The following WDR25 variants were observed in gnomAD, a reference collection of about 807,000 sequenced individuals.
The protein encoded by WDR25 is WD repeat-containing protein 25.
A neutral mutation model predicts 47.7 loss-of-function variants in WDR25; 35 were observed. That is an observed-to-expected ratio of 0.73 (90% CI 0.56 to 0.97). WDR25 has a LOEUF of 0.97. WDR25 is among the 50% of genes least tolerant of loss of function. The pLI is 0.00. For synonymous variants in WDR25, 248 were observed against 278.9 expected, an observed-to-expected ratio of 0.89 and a Z score of 1.10; for missense variants, 634 against 704.7, an observed-to-expected ratio of 0.90 and a Z score of 1.14.
chr14:100,478,684 A>G (rs61235940), intron 3 of WDR25, among the ~76,000 whole-genome samples: 14,113 of 152,254 alleles, frequency 0.093, 1,513 homozygotes, highest in African/African-American at 0.26. Context: ...ACAGATTTTC[A>G]ATCTCTTTAG....
rs1206361741 is a variant in WDR25 at position 100,404,609 on chromosome 14, T to C, written c.822+22863T>C. On this transcript the variant is annotated intron_variant, in intron 2 of 6. Coordinates refer to ENST00000402312, the MANE Select transcript of WDR25 (RefSeq NM_001161476.3). The surrounding 1 kb of genome is among the most constrained non-coding windows in gnomAD (Gnocchi z 4.6). ...AATGCATCCTTATCTCTGTAGTGCT[T>C]CCTCCCAGGCATAGGGTCCGCTGGA... is the stretch of plus-strand genomic sequence containing the variant. Among the ~76,000 whole-genome samples the C allele has an allele frequency of 6.6e-6, 1 of 152,122 alleles. No homozygotes were observed. Among genetic ancestry groups the C allele is most frequent in the Non-Finnish European group, 1.5e-5 (1 of 68,012 alleles).
chr14:100,390,838 G>T (rs1317768972), intron 2 of WDR25, among the ~76,000 whole-genome samples: 1 of 152,122 alleles, frequency 6.6e-6, no homozygotes, highest in African/African-American at 2.4e-5. Context: ...CCTCCACAGC[G>T]GCAGAATTAT....
intron 2 of WDR25, among the ~76,000 whole-genome samples, chr14:100,455,766 T>C (rs896790964): frequency 6.6e-6 from 1 of 152,150 alleles, no homozygotes; most frequent in African/African-American, 2.4e-5. Context: ...GATAGAAAAC[T>C]AAAAATGGTA....
chr14:100,461,562 A>G (rs972477967), intron 2 of WDR25, among the ~76,000 whole-genome samples: 1 of 152,226 alleles, frequency 6.6e-6, no homozygotes, highest in African/African-American at 2.4e-5. Flanking sequence ...TTCCCCAGAT[A>G]TTTTAGAATC....
chr14:100,468,068 G>C lies in WDR25; in HGVS notation c.870G>C (p.Leu290=), dbSNP rs768422606. ...GGCACTGCCTGCAGACCTACTCCCT[G>C]CACACAGAGGCAGTGCGGGCCGCCC... is the stretch of plus-strand genomic sequence containing the variant. ...DSGHCLQTYS[L]HTEAVRAARW... is the part of the protein sequence containing the mutation. The change falls in exon 3 of 7, where the codon CTG becomes CTC. Residue 290 remains leucine (L), a synonymous_variant. Transcript: ENST00000402312. This position sits in a 1 kb window ranked among gnomAD's most constrained non-coding sequence, Gnocchi z 4.5. 6.2e-7 allele frequency: 1 copy of C among 1,613,496 alleles called. No individual in the cohort carries two copies. Among genetic ancestry groups the C allele is most frequent in the South Asian group, 1.1e-5 (1 of 91,070 alleles).
intron 2 of WDR25, among the ~76,000 whole-genome samples, chr14:100,450,353 A>G (rs1035930245): frequency 1.2e-4 from 18 of 152,114 alleles, no homozygotes; most frequent in African/African-American, 4.3e-4. Flanking sequence ...GTGGAAATCA[A>G]GGTGAATCTG....
chr14:100,521,354 AATC>A, intron 4 of WDR25, among the ~76,000 whole-genome samples: 1 of 152,296 alleles, frequency 6.6e-6, no homozygotes, highest in East Asian at 1.9e-4. Flanking sequence ...CATTTCGAGA[AATC>A]ATCCATGTTC....
Position 100,468,761 on chromosome 14 carries a change from C to T in WDR25, c.970+593C>T, listed in dbSNP as rs907887655. ...TGCAACAGGCACTGTCAATACCCAC[C>T]GCAGCCACAGCCCCCAGGTGGGCTC... On this transcript the variant is annotated intron_variant, in intron 3 of 6. Transcript: ENST00000402312. This position sits in a 1 kb window ranked among gnomAD's most constrained non-coding sequence, Gnocchi z 4.5. Among the ~76,000 whole-genome samples, 45 of 152,126 alleles carry T rather than the reference C, an allele frequency of 3.0e-4. No homozygotes were observed. The highest frequency in any genetic ancestry group is 7.2e-4 in the African/African-American group (30 of 41,482).
rs1901460390 is a variant in WDR25, at chr14:100,515,507, GTTTGA to G, written c.1102-10358_1102-10354del. Reference sequence around the variant, plus strand: ...GCATTGTTTTATATCACTTCTACATGTTTGATTTGGGTCTTTAAAAGATATCTTTC... The same window carrying G: ...GCATTGTTTTATATCACTTCTACATGTTTGGGTCTTTAAAAGATATCTTTC... On this transcript the variant is annotated intron_variant, in intron 4 of 6. Coordinates refer to ENST00000402312, the MANE Select transcript of WDR25 (RefSeq NM_001161476.3). Among the ~76,000 whole-genome samples, 4 of 152,144 alleles carry G rather than the reference GTTTGA, an allele frequency of 2.6e-5. No homozygotes were observed. In the South Asian group the frequency reaches 8.3e-4, roughly 32 times the overall value.
intron 2 of WDR25, among the ~76,000 whole-genome samples, chr14:100,402,149 C>A (rs1177174131): frequency 6.6e-6 from 1 of 152,156 alleles, no homozygotes; most frequent in Admixed American, 6.5e-5. Flanking sequence ...TTATTCTACC[C>A]CTCAGAAGGT....
chr14:100,468,076 AGGCAGTGCGGGCC>A lies in WDR25; in HGVS notation c.880_892del (p.Ala294ProfsTer21). 6.2e-7 allele frequency: 1 copy of A among 1,613,584 alleles called. No homozygotes were observed. Among genetic ancestry groups the A allele is most frequent in the Non-Finnish European group, 8.5e-7 (1 of 1,180,018 alleles). Reference sequence around the variant, plus strand: ...CTGCAGACCTACTCCCTGCACACAGAGGCAGTGCGGGCCGCCCGGTGGGCTCCCTGTGGCCGGC... The same window carrying A: ...CTGCAGACCTACTCCCTGCACACAGAGCCCGGTGGGCTCCCTGTGGCCGGC... On this transcript the variant is annotated frameshift_variant, in exon 3 of 7. Coordinates refer to ENST00000402312, the MANE Select transcript of WDR25 (RefSeq NM_001161476.3). LOFTEE classifies it high-confidence loss of function. The surrounding 1 kb of genome is among the most constrained non-coding windows in gnomAD (Gnocchi z 4.5).
chr14:100,448,492 G>A (rs770638499), intron 2 of WDR25, among the ~76,000 whole-genome samples: 2 of 152,136 alleles, frequency 1.3e-5, no homozygotes, highest in Non-Finnish European at 2.9e-5. Context: ...TGAGTCATGG[G>A]CCTGCTAACT....
chr14:100,400,529 A>G (rs1280262204), intron 2 of WDR25, among the ~76,000 whole-genome samples: 1 of 152,216 alleles, frequency 6.6e-6, no homozygotes. Context: ...CCCAAAGGTA[A>G]CTTTGTTTAA....
intron 4 of WDR25, among the ~76,000 whole-genome samples, chr14:100,491,935 G>A (rs1276063931): frequency 6.6e-6 from 1 of 152,226 alleles, no homozygotes; most frequent in African/African-American, 2.4e-5. Context: ...GTTCTGAAAG[G>A]TTCAGCTGTC....
Position 100,386,517 on chromosome 14 carries a change from C to A in WDR25, c.822+4771C>A, listed in dbSNP as rs528974446. Among the ~76,000 whole-genome samples, 4 of 152,304 alleles carry A rather than the reference C, an allele frequency of 2.6e-5. No homozygotes were observed. In the South Asian group the frequency reaches 8.3e-4, roughly 32 times the overall value. The stretch of plus-strand genomic sequence containing the variant: ...CCATGTTGTTTCCTATAATTTCCTG[C>A]TTTTGTTTAAAAAATAATCAGTATT... On this transcript the variant is annotated intron_variant, in intron 2 of 6. Coordinates refer to ENST00000402312, the MANE Select transcript of WDR25 (RefSeq NM_001161476.3).
intron 4 of WDR25, chr14:100,487,455 C>T (rs1900421865): frequency 6.6e-6 from 1 of 152,194 alleles, no homozygotes; most frequent in South Asian, 2.1e-4. Flanking sequence ...TGCTTTTATA[C>T]TACAGTAGCA....
In WDR25 at chr14:100,530,113, A is replaced by T; in HGVS notation, c.*72A>T. 6.7e-7 allele frequency: 1 copy of T among 1,492,352 alleles called. No homozygotes were observed. 92.4% of individuals were successfully genotyped at this position (1,492,352 alleles called of 1,614,324 possible). On this transcript the variant is annotated 3_prime_UTR_variant, in exon 7 of 7. Coordinates refer to ENST00000402312, the MANE Select transcript of WDR25 (RefSeq NM_001161476.3). The stretch of plus-strand genomic sequence containing the variant: ...CCCCTCTTCCTCAAGGGTAGATGAG[A>T]GGAACGAGCACAGAGGTTGGCTGTG...
At position 100,462,966 on chromosome 14, in the gene WDR25, CT is replaced by C. The variant is rs147526070; in HGVS notation, c.823-5053del. 5.8e-4 allele frequency among the ~76,000 whole-genome samples: 10 copies of C among 17,376 alleles called. No individual in the cohort carries two copies. In the East Asian group the frequency reaches 6.8e-3, roughly 12 times the overall value. 11.4% of individuals were successfully genotyped at this position (17,376 alleles called of 152,430 possible). A position where few individuals can be genotyped will look rare whatever the true frequency, so the allele number is the denominator to read the frequency against. ...CTCTTCTCTCCCCCTTCCTCTCCCCCTTGCTCCTTCCTTTTTCCCTTCTCCC... is the reference window on the plus strand; with the variant it reads ...CTCTTCTCTCCCCCTTCCTCTCCCCCTGCTCCTTCCTTTTTCCCTTCTCCC... On this transcript the variant is annotated intron_variant, in intron 2 of 6. Coordinates refer to ENST00000402312, the MANE Select transcript of WDR25 (RefSeq NM_001161476.3).
chr14:100,499,021 C>T lies in WDR25; in HGVS notation c.1101+14897C>T, dbSNP rs1900828363. Among the ~76,000 whole-genome samples the T allele has an allele frequency of 6.6e-6, 1 of 152,304 alleles. No homozygotes were observed. Among genetic ancestry groups the T allele is most frequent in the African/African-American group, 2.4e-5 (1 of 41,548 alleles). On this transcript the variant is annotated intron_variant, in intron 4 of 6. Transcript: ENST00000402312. The surrounding 1 kb of genome is among the most constrained non-coding windows in gnomAD (Gnocchi z 4.4). ...CCTTGGAGACCTGGAGACCCAAGTG[C>T]TGCCCATGACTTCAGAATGGAGGGT...
Sources: allele counts gnomAD v4.1 joint callset (sites outside exome capture counted in the v4.1 genomes callset), GRCh38; gene constraint gnomAD v4.1.1; non-coding constraint Gnocchi (gnomAD v3.1); transcripts MANE v1.5; gene names NCBI Gene and HGNC (gene_info 2026-07-23, HGNC 2026-07-21).